The following HARBI1 variants were observed in gnomAD, a reference collection of about 807,000 sequenced individuals.
The protein encoded by HARBI1 is harbinger transposase derived 1, also known as putative nuclease HARBI1.
Under a neutral mutation model 25.3 loss-of-function variants are expected in HARBI1, and 15 were observed. The ratio of observed to expected loss-of-function variants is 0.59; its 90% CI spans 0.40 to 0.91. The LOEUF (loss-of-function observed/expected upper bound fraction) is 0.91. Ranked by LOEUF, HARBI1 falls within the 40% of genes least tolerant of loss-of-function variation. The pLI, the probability that HARBI1 is intolerant of heterozygous loss-of-function variation, is 0.00. For missense variants in HARBI1, 396 were observed against 445.8 expected, an observed-to-expected ratio of 0.89 and a Z score of 1.01; for synonymous variants, 168 against 160.5, an observed-to-expected ratio of 1.05 and a Z score of -0.35.
At chr11:46,613,827 C>T (rs957981467) in intron 2 of HARBI1, among the ~76,000 whole-genome samples, 1 of 151,508 alleles carries the variant, frequency 6.6e-6, no homozygotes, top group African/African-American at 2.4e-5. Flanking sequence ...TATTTGTTTG[C>T]TTATTTATAT....
At position 46,611,701 on chromosome 11, in the gene HARBI1, AC is replaced by A. The variant is rs1313496482; in HGVS notation, c.670+3866del. Among the ~76,000 whole-genome samples the A allele has an allele frequency of 4.0e-5, 6 of 148,886 alleles. No individual in the cohort carries two copies. The East Asian group carries it at 1.2e-3, about 29-fold the overall frequency. ...ACTCCAGCCTGGGTGACAGAGTGAGACCCCGTGACAAAAAAAAAAAAAAGGT... is the reference window on the plus strand; with the variant it reads ...ACTCCAGCCTGGGTGACAGAGTGAGACCCGTGACAAAAAAAAAAAAAAGGT... On this transcript the variant is annotated intron_variant, in intron 2 of 2. Transcript: ENST00000326737.
chr11:46,606,032 C>A (rs1040122700), intron 2 of HARBI1, among the ~76,000 whole-genome samples: 2 of 150,930 alleles, frequency 1.3e-5, no homozygotes, highest in East Asian at 2.0e-4. Flanking sequence ...ATTACAGGCA[C>A]CTGCCACCAC....
intron 2 of HARBI1, among the ~76,000 whole-genome samples, chr11:46,610,693 G>A (rs549867974): frequency 1.3e-5 from 2 of 152,114 alleles, no homozygotes; most frequent in Non-Finnish European, 2.9e-5. Context: ...TTCGTTAAAT[G>A]TTGCTACAGT....
At chr11:46,614,020 T>G (rs1329527967) in intron 2 of HARBI1, among the ~76,000 whole-genome samples, 1 of 152,082 alleles carries the variant, frequency 6.6e-6, no homozygotes, top group African/African-American at 2.4e-5. Context: ...TTGTTTGCAA[T>G]AAAAATTCTT....
At position 46,616,029 on chromosome 11, in the gene HARBI1, T is replaced by A. The variant is rs1364242949; in HGVS notation, c.209A>T (p.Glu70Val). The A allele has an allele frequency of 1.2e-6, 2 of 1,614,204 alleles. No homozygotes were observed. The highest frequency in any genetic ancestry group is 4.5e-5 in the East Asian group (2 of 44,892). The stretch of plus-strand genomic sequence containing the variant: ...ACCCAATGCTGCAAGGACCTGTGTC[T>A]CTGGGCTAATAGCCCTGGATCGCTG... Reference protein sequence around the residue: ...PTQRSRAISPETQVLAALGFY... With the variant: ...PTQRSRAISPVTQVLAALGFY... Residue 70 changes from glutamate to valine, a missense_variant, in exon 2 of 3, where the codon GAG (glutamate) becomes GTG (valine). Physicochemically the swap from Glu to Val is moderately radical, Grantham distance 121 (BLOSUM62 -2). Transcript: ENST00000326737.
chr11:46,616,718 A>T, intron 1 of HARBI1: 1 of 989,626 alleles, frequency 1.0e-6, no homozygotes, highest in Non-Finnish European at 1.2e-6. Context: ...TGTCATAACC[A>T]CCTTGGGTAA....
chr11:46,608,855 T>A (rs560377681), intron 2 of HARBI1, among the ~76,000 whole-genome samples: 84 of 152,090 alleles, frequency 5.5e-4, no homozygotes, highest in African/African-American at 1.9e-3. Context: ...CCTCAGGTGA[T>A]CTGCCTGCCT....
chr11:46,613,132 A>C (rs2045248756), intron 2 of HARBI1, among the ~76,000 whole-genome samples: 1 of 151,276 alleles, frequency 6.6e-6, no homozygotes, highest in Non-Finnish European at 1.5e-5. Flanking sequence ...GGCATGCGCC[A>C]CCATGTCCAG....
chr11:46,604,677 G>C, intron 2 of HARBI1: 5 of 985,292 alleles, frequency 5.1e-6, no homozygotes, highest in Non-Finnish European at 4.8e-6. Flanking sequence ...CCAGTGCTAA[G>C]AAGAATAAGA....
At position 46,608,027 on chromosome 11, in the gene HARBI1, A is replaced by T. The variant is rs895567935; in HGVS notation, c.671-4118T>A. On this transcript the variant is annotated intron_variant, in intron 2 of 2. Transcript: ENST00000326737. ...AAAATACAATTAGGCGGCCAGGTGCAGGGCTTCATGCCTGTAATCCCAGCA... is the reference window on the plus strand; with the variant it reads ...AAAATACAATTAGGCGGCCAGGTGCTGGGCTTCATGCCTGTAATCCCAGCA... Among the ~76,000 whole-genome samples, 6 of 152,008 alleles carry T rather than the reference A, an allele frequency of 3.9e-5. No homozygotes were observed. The East Asian group carries it at 9.6e-4, about 24-fold the overall frequency.
intron 2 of HARBI1, chr11:46,604,176 A>C: frequency 1.0e-6 from 1 of 985,402 alleles, no homozygotes; most frequent in Non-Finnish European, 1.2e-6. Flanking sequence ...CAAATATGAA[A>C]GAATGTAGGA....
chr11:46,609,529 T>C (rs759550728), intron 2 of HARBI1, among the ~76,000 whole-genome samples: 2 of 135,828 alleles, frequency 1.5e-5, no homozygotes, highest in African/African-American at 6.4e-5. Context: ...GTATATTTAG[T>C]AGAGACAGGG....
intron 1 of HARBI1, chr11:46,616,857 A>C (rs1026587820): frequency 4.3e-5 from 41 of 963,922 alleles, no homozygotes; most frequent in East Asian, 2.3e-4. Context: ...AAAAAAAAAA[A>C]AAAAACAACC....
intron 2 of HARBI1, among the ~76,000 whole-genome samples, chr11:46,609,850 A>ATTTTTTTT (rs750558478): frequency 8.0e-6 from 1 of 124,940 alleles, no homozygotes. Context: ...AAATAAAAGA[A>ATTTTTTTT]TTTTTTTTTT....
At chr11:46,609,560 G>A (rs1248370593) in intron 2 of HARBI1, among the ~76,000 whole-genome samples, 2 of 71,004 alleles carry the variant, frequency 2.8e-5, no homozygotes, top group South Asian at 9.2e-4. Flanking sequence ...TTGACCAGCT[G>A]GTCTGGAAGT....
At chr11:46,607,261 A>AG (rs1220139826) in intron 2 of HARBI1, among the ~76,000 whole-genome samples, 1 of 140,646 alleles carries the variant, frequency 7.1e-6, no homozygotes, top group Admixed American at 7.0e-5. Context: ...GACTGTCTCA[A>AG]AAAAAAAAAA....
chr11:46,617,009 A>G, intron 1 of HARBI1, 115 bp downstream of exon 1: 1 of 985,082 alleles, frequency 1.0e-6, no homozygotes, highest in Non-Finnish European at 1.2e-6. Context: ...AGCGAAAAAG[A>G]GGCTGGCCGA....
chr11:46,609,159 G>C lies in HARBI1; in HGVS notation c.671-5250C>G, dbSNP rs1269946468. 5.3e-5 allele frequency among the ~76,000 whole-genome samples: 8 copies of C among 151,798 alleles called. No individual in the cohort carries two copies. In the East Asian group the frequency reaches 1.5e-3, roughly 29 times the overall value. On this transcript the variant is annotated intron_variant, in intron 2 of 2. Transcript: ENST00000326737. ...GGCTGGTCTCAAACTTCTGACCTCA[G>C]GTGATGTGCCCGCCTTGGCCTCCAA...
chr11:46,604,168 A>G (rs1467473867), intron 2 of HARBI1: 3 of 985,334 alleles, frequency 3.0e-6, no homozygotes, highest in Non-Finnish European at 3.6e-6. Context: ...AAGGAAGCCA[A>G]ATATGAAAGA....
Sources: allele counts gnomAD v4.1 joint callset (sites outside exome capture counted in the v4.1 genomes callset), GRCh38; gene constraint gnomAD v4.1.1; transcripts MANE v1.5; gene names NCBI Gene and HGNC (gene_info 2026-07-23, HGNC 2026-07-21).